UNC5D: variants seen among roughly 807,000 people sequenced by gnomAD.
UNC5D encodes netrin receptor UNC5D.
In UNC5D, 39 loss-of-function variants were observed where a neutral mutation model predicts 105.4. The ratio of observed to expected loss-of-function variants is 0.37; its 90% CI spans 0.29 to 0.48. The LOEUF is 0.48. UNC5D is among the 20% of genes least tolerant of loss of function. The pLI is 0.98. For missense variants in UNC5D, 991 were observed against 1,202.4 expected (o/e 0.82, Z 2.60); for synonymous variants, 452 against 450.4 (o/e 1.00, Z -0.04).
intron 2 of UNC5D, among the ~76,000 whole-genome samples, chr8:35,567,454 A>G (rs905968579): frequency 6.6e-6 from 1 of 152,154 alleles, no homozygotes; most frequent in Non-Finnish European, 1.5e-5. Flanking sequence ...CAGAAATTCC[A>G]GACCAGCCTG....
chr8:35,375,269 C>T (rs1191390320), intron 1 of UNC5D, among the ~76,000 whole-genome samples: 1 of 152,066 alleles, frequency 6.6e-6, no homozygotes, highest in Non-Finnish European at 1.5e-5. Context: ...AGTAATTGAA[C>T]TAAAAAATGT....
chr8:35,333,805 G>A (rs566838927), intron 1 of UNC5D, among the ~76,000 whole-genome samples: 7 of 152,230 alleles, frequency 4.6e-5, no homozygotes, highest in Non-Finnish European at 1.0e-4. Flanking sequence ...CATGATTTGA[G>A]GGTAAATCTG....
chr8:35,372,210 A>C (rs1329462520), intron 1 of UNC5D, among the ~76,000 whole-genome samples: 1 of 151,882 alleles, frequency 6.6e-6, no homozygotes, highest in African/African-American at 2.4e-5. Flanking sequence ...TGCAACCTTC[A>C]CCCACTGGGG....
intron 11 of UNC5D, among the ~76,000 whole-genome samples, chr8:35,741,058 C>T (rs1829733680): frequency 6.6e-6 from 1 of 152,144 alleles, no homozygotes; most frequent in Non-Finnish European, 1.5e-5. Context: ...TTCAATGAGC[C>T]ATCATCTCAC....
At chr8:35,768,310 A>G (rs577706122) in intron 15 of UNC5D, among the ~76,000 whole-genome samples, 9 of 152,296 alleles carry the variant, frequency 5.9e-5, no homozygotes, top group South Asian at 4.1e-4. Context: ...ATTATTGCCA[A>G]TTAGCATTAT....
At chr8:35,360,451 G>C (rs1801798316) in intron 1 of UNC5D, among the ~76,000 whole-genome samples, 1 of 152,118 alleles carries the variant, frequency 6.6e-6, no homozygotes, top group Non-Finnish European at 1.5e-5. Flanking sequence ...GGAAGATGTG[G>C]GCTCTGGTCT....
chr8:35,291,626 C>A (rs1022050781), intron 1 of UNC5D, among the ~76,000 whole-genome samples: 1 of 152,164 alleles, frequency 6.6e-6, no homozygotes, highest in African/African-American at 2.4e-5. Context: ...TCAGTAACTT[C>A]TTGGGGCTGT....
intron 4 of UNC5D, among the ~76,000 whole-genome samples, chr8:35,603,718 T>G (rs1820058245): frequency 6.6e-6 from 1 of 152,238 alleles, no homozygotes; most frequent in South Asian, 2.1e-4. Context: ...TTTATGAATC[T>G]GGGTGCTCCT....
At chr8:35,509,865 C>A (rs909192131) in intron 1 of UNC5D, among the ~76,000 whole-genome samples, 3 of 152,068 alleles carry the variant, frequency 2.0e-5, no homozygotes, top group Non-Finnish European at 4.4e-5. Flanking sequence ...AACCCCTCCT[C>A]AAGTTTGATT....
chr8:35,273,350 A>G (rs1805554033), intron 1 of UNC5D, among the ~76,000 whole-genome samples: 1 of 152,212 alleles, frequency 6.6e-6, no homozygotes, highest in Non-Finnish European at 1.5e-5. Context: ...ACACATAAAT[A>G]ACTGTGAAGA....
At chr8:35,502,197 T>C (rs1812017562) in intron 1 of UNC5D, among the ~76,000 whole-genome samples, 1 of 152,184 alleles carries the variant, frequency 6.6e-6, no homozygotes, top group African/African-American at 2.4e-5. Flanking sequence ...AAGGTAAGCA[T>C]ATCATGGCAG....
chr8:35,488,888 G>A (rs1219958178), intron 1 of UNC5D, among the ~76,000 whole-genome samples: 1 of 152,120 alleles, frequency 6.6e-6, no homozygotes, highest in Non-Finnish European at 1.5e-5. Context: ...ATTTGGAGTT[G>A]ATGATGGAAT....
At chr8:35,718,767 G>A (rs555602513) in intron 8 of UNC5D, among the ~76,000 whole-genome samples, 1 of 152,244 alleles carries the variant, frequency 6.6e-6, no homozygotes, top group Admixed American at 6.5e-5. Flanking sequence ...ACTTTGCACT[G>A]GGTACCCTGA....
At chr8:35,281,127 G>A (rs1038229986) in intron 1 of UNC5D, among the ~76,000 whole-genome samples, 3 of 152,010 alleles carry the variant, frequency 2.0e-5, no homozygotes, top group Non-Finnish European at 4.4e-5. Flanking sequence ...TCACATTTCT[G>A]TGTATCCGTC....
At chr8:35,368,971 T>A (rs2037375103) in intron 1 of UNC5D, among the ~76,000 whole-genome samples, 1 of 152,232 alleles carries the variant, frequency 6.6e-6, no homozygotes, top group Admixed American at 6.5e-5. Flanking sequence ...TAATTTCTGT[T>A]GTTTAAGCTG....
At chr8:35,355,760 T>C (rs976593491) in intron 1 of UNC5D, among the ~76,000 whole-genome samples, 2 of 152,102 alleles carry the variant, frequency 1.3e-5, no homozygotes, top group Non-Finnish European at 2.9e-5. Flanking sequence ...TGAATGAGAT[T>C]ATAAAAGGTC....
chr8:35,543,285 A>C (rs1011539859), intron 1 of UNC5D, among the ~76,000 whole-genome samples: 76 of 151,332 alleles, frequency 5.0e-4, no homozygotes, highest in African/African-American at 1.8e-3. Context: ...ATTTCAAAGT[A>C]ATGTCCTCTC....
intron 4 of UNC5D, among the ~76,000 whole-genome samples, chr8:35,680,005 A>T (rs1291006121): frequency 1.3e-5 from 2 of 152,246 alleles, no homozygotes; most frequent in East Asian, 1.9e-4. Context: ...CAGATCTCTC[A>T]TCTTGTTGTG....
intron 1 of UNC5D, among the ~76,000 whole-genome samples, chr8:35,290,899 G>C (rs961562421): frequency 8.1e-5 from 12 of 148,830 alleles, no homozygotes; most frequent in Non-Finnish European, 1.5e-4. Flanking sequence ...AGTGAGCTGA[G>C]ATCGTGTCAT....
Sources: allele counts gnomAD v4.1 joint callset (sites outside exome capture counted in the v4.1 genomes callset), GRCh38; gene constraint gnomAD v4.1.1; transcripts MANE v1.5; gene names NCBI Gene and HGNC (gene_info 2026-07-23, HGNC 2026-07-21).